Variants in C7orf78 observed in about 807,000 individuals in gnomAD.
C7orf78 encodes the protein chromosome 7 open reading frame 78.
the C7orf78 span, among the ~76,000 whole-genome samples, chr7:12,486,195 A>T: frequency 6.6e-6 from 1 of 152,110 alleles, no homozygotes; most frequent in Non-Finnish European, 1.5e-5. Context: ...TTAAGATTCC[A>T]ACATAGCTTT....
the C7orf78 span, among the ~76,000 whole-genome samples, chr7:12,516,588 G>A: frequency 1.1e-4 from 17 of 152,208 alleles, no homozygotes; most frequent in Non-Finnish European, 2.2e-4. Context: ...GCCTGGAAAA[G>A]CCACAGACAC....
chr7:12,540,409 C>G, the C7orf78 span, among the ~76,000 whole-genome samples: 1 of 152,118 alleles, frequency 6.6e-6, no homozygotes, highest in Non-Finnish European at 1.5e-5. Flanking sequence ...TTTTAATTGG[C>G]ATTTATACAT....
At chr7:12,530,003 G>A in the C7orf78 span, among the ~76,000 whole-genome samples, 2 of 152,226 alleles carry the variant, frequency 1.3e-5, no homozygotes, top group Non-Finnish European at 1.5e-5. Context: ...TCCGGATGTT[G>A]CCACAGCAAT....
the C7orf78 span, among the ~76,000 whole-genome samples, chr7:12,492,513 T>C: frequency 6.6e-6 from 1 of 152,198 alleles, no homozygotes; most frequent in Admixed American, 6.5e-5. Context: ...TGATTTCAGA[T>C]TGGTAGATCA....
the C7orf78 span, among the ~76,000 whole-genome samples, chr7:12,526,987 A>G: frequency 1.0e-4 from 15 of 149,348 alleles, no homozygotes; most frequent in African/African-American, 3.5e-4. Flanking sequence ...AGAAAATGCC[A>G]TCTAGCTGTG....
the C7orf78 span, among the ~76,000 whole-genome samples, chr7:12,512,406 G>A: frequency 1.8e-3 from 268 of 152,214 alleles, no homozygotes; most frequent in African/African-American, 6.2e-3. Context: ...AAGTGGTGTG[G>A]AATTTTATCA....
At chr7:12,519,636 C>T in the C7orf78 span, among the ~76,000 whole-genome samples, 1 of 152,202 alleles carries the variant, frequency 6.6e-6, no homozygotes, top group Non-Finnish European at 1.5e-5. Context: ...AGAAAGAAAG[C>T]TCATCAGCTC....
chr7:12,512,068 C>A, the C7orf78 span, among the ~76,000 whole-genome samples: 3 of 151,752 alleles, frequency 2.0e-5, no homozygotes, highest in African/African-American at 7.3e-5. Context: ...AGCCACCACG[C>A]CTGGCCTGAA....
the C7orf78 span, among the ~76,000 whole-genome samples, chr7:12,488,038 C>A: frequency 6.6e-6 from 1 of 152,024 alleles, no homozygotes; most frequent in Non-Finnish European, 1.5e-5. Context: ...AAACCCTCTA[C>A]TGGAAGTATG....
the C7orf78 span, among the ~76,000 whole-genome samples, chr7:12,494,488 T>C: frequency 6.6e-6 from 1 of 152,124 alleles, no homozygotes; most frequent in African/African-American, 2.4e-5. Context: ...AAACACAAAT[T>C]AACAAGCAAG....
the C7orf78 span, among the ~76,000 whole-genome samples, chr7:12,538,912 A>T: frequency 0.029 from 4,470 of 152,106 alleles, 100 homozygotes; most frequent in Non-Finnish European, 0.042. Flanking sequence ...CCACTCCTCT[A>T]CCAGGAGCTC....
chr7:12,506,356 G>A, the C7orf78 span, among the ~76,000 whole-genome samples: 28 of 128,824 alleles, frequency 2.2e-4, no homozygotes, highest in African/African-American at 7.4e-4. Context: ...TGTTTATTAC[G>A]GCACTATTCA....
At chr7:12,509,462 A>G in the C7orf78 span, among the ~76,000 whole-genome samples, 1 of 152,216 alleles carries the variant, frequency 6.6e-6, no homozygotes, top group Admixed American at 6.5e-5. Context: ...ATTCTAATTA[A>G]CCCATAAGGG....
At chr7:12,520,475 C>G in the C7orf78 span, among the ~76,000 whole-genome samples, 1 of 151,884 alleles carries the variant, frequency 6.6e-6, no homozygotes, top group Non-Finnish European at 1.5e-5. Flanking sequence ...TAAATTTTTT[C>G]TTTGCCTCAT....
chr7:12,521,281 A>T, the C7orf78 span, among the ~76,000 whole-genome samples: 1 of 151,834 alleles, frequency 6.6e-6, no homozygotes, highest in Non-Finnish European at 1.5e-5. Context: ...TGTTTTGTAT[A>T]TATTATTTTT....
the C7orf78 span, among the ~76,000 whole-genome samples, chr7:12,512,408 A>G: frequency 6.6e-6 from 1 of 152,102 alleles, no homozygotes; most frequent in Non-Finnish European, 1.5e-5. Flanking sequence ...GTGGTGTGGA[A>G]TTTTATCAAA....
At chr7:12,516,284 G>T in the C7orf78 span, among the ~76,000 whole-genome samples, 1 of 152,226 alleles carries the variant, frequency 6.6e-6, no homozygotes, top group Non-Finnish European at 1.5e-5. Flanking sequence ...CCAAGCCTTG[G>T]CAGCTTTCAT....
At chr7:12,492,181 T>G in the C7orf78 span, among the ~76,000 whole-genome samples, 1 of 152,156 alleles carries the variant, frequency 6.6e-6, no homozygotes, top group Non-Finnish European at 1.5e-5. Flanking sequence ...TTTCACGACT[T>G]ATATGCTTAA....
chr7:12,499,605 A>C, the C7orf78 span, among the ~76,000 whole-genome samples: 1 of 150,060 alleles, frequency 6.7e-6, no homozygotes, highest in East Asian at 2.0e-4. Flanking sequence ...CTACAAAGAG[A>C]CTTAGACTCC....
Sources: allele counts gnomAD v4.1 joint callset (sites outside exome capture counted in the v4.1 genomes callset), GRCh38; gene constraint gnomAD v4.1.1; transcripts MANE v1.5; gene names NCBI Gene and HGNC (gene_info 2026-07-23, HGNC 2026-07-21).